Variants in ADRB1 observed in about 807,000 individuals in gnomAD.
The protein encoded by ADRB1 is beta-1 adrenergic receptor.
For synonymous variants in ADRB1, 365 were observed against 347.2 expected (o/e 1.05, Z -0.57); for missense variants, 635 against 709.1 (o/e 0.90, Z 1.19).
chr10:114,045,571 CG>C lies in ADRB1; in HGVS notation c.*7del. 1.6e-6 allele frequency: 2 copies of C among 1,283,638 alleles called. No homozygotes were observed. Among genetic ancestry groups the C allele is most frequent in the Non-Finnish European group, 2.0e-6 (2 of 1,007,772 alleles). The allele number at this position is 1,283,638 out of a possible 1,614,324, so 79.5% of individuals were successfully genotyped here. On this transcript the variant is annotated 3_prime_UTR_variant, in exon 1 of 1. Transcript: ENST00000369295. ...GCCTCGGAATCCAAGGTGTAGGGCC[CG>C]GCGCGGGGCGCGGACTCCGGGCACG...
rs1847570043 is a variant in ADRB1 at position 114,046,617 on chromosome 10, T to C, written c.*1051T>C. 6.0e-6 allele frequency: 1 copy of C among 167,012 alleles called. No homozygotes were observed. Among genetic ancestry groups the C allele is most frequent in the Non-Finnish European group, 1.5e-5 (1 of 68,100 alleles). 10.3% of individuals were successfully genotyped at this position (167,012 alleles called of 1,614,324 possible). A position where few individuals can be genotyped will look rare whatever the true frequency, so the allele number is the denominator to read the frequency against. Reference sequence around the variant, plus strand: ...CAGATCTTAAATAAAATTCAAACTCTACTTCTGTTGTCTAGTATGTTATTG... The same window carrying C: ...CAGATCTTAAATAAAATTCAAACTCCACTTCTGTTGTCTAGTATGTTATTG... On this transcript the variant is annotated 3_prime_UTR_variant, in exon 1 of 1. Coordinates refer to ENST00000369295, the MANE Select transcript of ADRB1 (RefSeq NM_000684.3).
chr10:114,044,008 C>G lies in ADRB1; in HGVS notation c.-125C>G. The G allele has an allele frequency of 9.1e-6, 7 of 767,302 alleles. No homozygotes were observed. Among genetic ancestry groups the G allele is most frequent in the African/African-American group, 1.9e-5 (1 of 54,006 alleles). The allele number at this position is 767,302 out of a possible 1,614,324, so 47.5% of individuals were successfully genotyped here. ...CCCGGCGCCCATGCCTCCGGCCCCG[C>G]GCCGCGGCTGCCCTGACCCGGCCGC... On this transcript the variant is annotated 5_prime_UTR_variant, in exon 1 of 1. Transcript: ENST00000369295. This position sits in a 1 kb window ranked among gnomAD's most constrained non-coding sequence, Gnocchi z 7.8.
chr10:114,044,931 G>C lies in ADRB1; in HGVS notation c.799G>C (p.Gly267Arg), dbSNP rs780900355. Residue 267 changes from glycine to arginine, a missense_variant, in exon 1 of 1, where the codon GGC becomes CGC. Gly to Arg is a moderately radical substitution (Grantham distance 125). Transcript: ENST00000369295. The surrounding 1 kb of genome is among the most constrained non-coding windows in gnomAD (Gnocchi z 7.8). ...CGACAGCTGCGAGCGCCGTTTCCTC[G>C]GCGGCCCAGCGCGGCCGCCCTCGCC... ...KIDSCERRFL[G>R]GPARPPSPSP... 11 of 1,565,928 alleles carry C rather than the reference G, an allele frequency of 7.0e-6. No homozygotes were observed. The highest frequency in any genetic ancestry group is 1.2e-5 in the South Asian group (1 of 85,130).
In ADRB1 at chr10:114,044,859, G is replaced by A. The variant is rs767612956; in HGVS notation, c.727G>A (p.Val243Met). The A allele has an allele frequency of 6.2e-7, 1 of 1,613,370 alleles. No homozygotes were observed. The highest frequency in any genetic ancestry group is 8.5e-7 in the Non-Finnish European group (1 of 1,179,838). The change falls in exon 1 of 1, where the codon GTG (valine) becomes ATG (methionine). Residue 243 changes from valine to methionine, a missense_variant. Physicochemically the swap from Val to Met is conservative, Grantham distance 21. Transcript: ENST00000369295. This position sits in a 1 kb window ranked among gnomAD's most constrained non-coding sequence, Gnocchi z 7.8. ...FYVPLCIMAF[V>M]YLRVFREAQK... is the part of the protein sequence containing the mutation. ...CGTGCCCCTGTGCATCATGGCCTTC[G>A]TGTACCTGCGGGTGTTCCGCGAGGC...
Position 114,044,125 on chromosome 10 carries a change from A to AGCTCGGCATGGGCGCGGGGGT in ADRB1, c.-2_19dup. The AGCTCGGCATGGGCGCGGGGGT allele has an allele frequency of 7.9e-7, 1 of 1,267,810 alleles. No individual in the cohort carries two copies. Among genetic ancestry groups the AGCTCGGCATGGGCGCGGGGGT allele is most frequent in the Non-Finnish European group, 9.9e-7 (1 of 1,012,962 alleles). 78.5% of individuals were successfully genotyped at this position (1,267,810 alleles called of 1,614,324 possible). On this transcript the variant is annotated 5_prime_UTR_variant, in exon 1 of 1. In the 5' UTR this introduces an upstream ATG that the reference lacks. Coordinates refer to ENST00000369295, the MANE Select transcript of ADRB1 (RefSeq NM_000684.3). This position sits in a 1 kb window ranked among gnomAD's most constrained non-coding sequence, Gnocchi z 7.8. ...CACACCCCCCGCCCCCGGCCTCCGC[A>AGCTCGGCATGGGCGCGGGGGT]GCTCGGCATGGGCGCGGGGGTGCTC...
In ADRB1 at chr10:114,046,181, C is replaced by T. The variant is rs1042519047; in HGVS notation, c.*615C>T. ...AAATCACGTTTCAAGAAATGTTAAG[C>T]TCTTCTTGGAACAAGCCCCACCTTG... On this transcript the variant is annotated 3_prime_UTR_variant, in exon 1 of 1. Transcript: ENST00000369295. The T allele has an allele frequency of 3.0e-5, 5 of 167,092 alleles. No individual in the cohort carries two copies. Among genetic ancestry groups the T allele is most frequent in the African/African-American group, 1.2e-4 (5 of 41,450 alleles). 10.4% of individuals were successfully genotyped at this position (167,092 alleles called of 1,614,324 possible).
At position 114,045,452 on chromosome 10, in the gene ADRB1, G is replaced by T. The variant is rs1288438544; in HGVS notation, c.1320G>T (p.Pro440=). ...ACGACGATGTCGTCGGGGCCACGCC[G>T]CCCGCGCGCCTGCTGGAGCCCTGGG... ...DDDDDVVGAT[P]PARLLEPWAG... is the part of the protein sequence containing the mutation. The change falls in exon 1 of 1, where the codon CCG becomes CCT. Residue 440 remains proline, a synonymous_variant. Transcript: ENST00000369295. 57 of 1,251,740 alleles carry T rather than the reference G, an allele frequency of 4.6e-5. No homozygotes were observed. The highest frequency in any genetic ancestry group is 3.5e-5 in the South Asian group (1 of 28,544). The allele number at this position is 1,251,740 out of a possible 1,614,324, so 77.5% of individuals were successfully genotyped here.
chr10:114,046,149 T>TA lies in ADRB1; in HGVS notation c.*592dup, dbSNP rs200145649. 125 of 166,486 alleles carry TA rather than the reference T, an allele frequency of 7.5e-4. No individual in the cohort carries two copies. Among genetic ancestry groups the TA allele is most frequent in the African/African-American group, 2.1e-3 (87 of 41,314 alleles). The allele number at this position is 166,486 out of a possible 1,614,324, so 10.3% of individuals were successfully genotyped here. A position where few individuals can be genotyped will look rare whatever the true frequency, so the allele number is the denominator to read the frequency against. ...GCAAAGAGAAAGGATGGAGGCAAAA[T>TA]AAAAAAAAATCACGTTTCAAGAAAT... On this transcript the variant is annotated 3_prime_UTR_variant, in exon 1 of 1. Coordinates refer to ENST00000369295, the MANE Select transcript of ADRB1 (RefSeq NM_000684.3).
At position 114,044,820 on chromosome 10, in the gene ADRB1, G is replaced by C; in HGVS notation, c.688G>C (p.Val230Leu). 1 of 1,613,856 alleles carries C rather than the reference G, an allele frequency of 6.2e-7. No homozygotes were observed. Among genetic ancestry groups the C allele is most frequent in the South Asian group, 1.1e-5 (1 of 91,088 alleles). ...TNRAYAIASS[V>L]VSFYVPLCIM... ...CCGGGCCTACGCCATCGCCTCGTCC[G>C]TAGTCTCCTTCTACGTGCCCCTGTG... Residue 230 changes from valine to leucine, a missense_variant, in exon 1 of 1, where the codon GTA (valine) becomes CTA (leucine). By Grantham distance (32) the Val-to-Leu change is conservative. Transcript: ENST00000369295. This position sits in a 1 kb window ranked among gnomAD's most constrained non-coding sequence, Gnocchi z 7.8.
chr10:114,044,980 C>T lies in ADRB1; in HGVS notation c.848C>T (p.Pro283Leu). 9.0e-7 allele frequency: 1 copy of T among 1,106,428 alleles called. No homozygotes were observed. The highest frequency in any genetic ancestry group is 1.1e-6 in the Non-Finnish European group (1 of 904,946). The allele number at this position is 1,106,428 out of a possible 1,614,324, so 68.5% of individuals were successfully genotyped here. A position where few individuals can be genotyped will look rare whatever the true frequency, so the allele number is the denominator to read the frequency against. The change falls in exon 1 of 1, where the codon CCC becomes CTC. Residue 283 changes from proline to leucine, a missense_variant. Physicochemically the swap from Pro to Leu is moderately conservative, Grantham distance 98 (BLOSUM62 -3). Coordinates refer to ENST00000369295, the MANE Select transcript of ADRB1 (RefSeq NM_000684.3). This position sits in a 1 kb window ranked among gnomAD's most constrained non-coding sequence, Gnocchi z 7.8. Reference protein sequence around the residue: ...PSPSPSPVPAPAPPPGPPRPA... With the variant: ...PSPSPSPVPALAPPPGPPRPA... ...CCCTCGCCCTCGCCCGTCCCCGCGC[C>T]CGCGCCGCCGCCCGGACCCCCGCGC...
At position 114,044,979 on chromosome 10, in the gene ADRB1, C is replaced by T; in HGVS notation, c.847C>T (p.Pro283Ser). 1 of 1,115,628 alleles carries T rather than the reference C, an allele frequency of 9.0e-7. No individual in the cohort carries two copies. The highest frequency in any genetic ancestry group is 1.1e-6 in the Non-Finnish European group (1 of 910,212). 69.1% of individuals were successfully genotyped at this position (1,115,628 alleles called of 1,614,324 possible). ...PSPSPSPVPAPAPPPGPPRPA... is the reference protein window; with the variant it reads ...PSPSPSPVPASAPPPGPPRPA... ...GCCCTCGCCCTCGCCCGTCCCCGCG[C>T]CCGCGCCGCCGCCCGGACCCCCGCG... The change falls in exon 1 of 1, where the codon CCC (proline) becomes TCC (serine). Residue 283 changes from proline to serine, a missense_variant. Transcript: ENST00000369295. The surrounding 1 kb of genome is among the most constrained non-coding windows in gnomAD (Gnocchi z 7.8).
Position 114,045,341 on chromosome 10 carries a change from G to T in ADRB1, c.1209G>T (p.Ala403=), listed in dbSNP as rs757655002. 2.7e-6 allele frequency: 4 copies of T among 1,490,172 alleles called. No homozygotes were observed. In the South Asian group the frequency reaches 5.1e-5, roughly 19 times the overall value. 92.3% of individuals were successfully genotyped at this position (1,490,172 alleles called of 1,614,324 possible). Residue 403 remains alanine (A), a synonymous_variant, in exon 1 of 1, where the codon GCG becomes GCT. Transcript: ENST00000369295. The part of the protein sequence containing the change: ...CARRAARRRH[A]THGDRPRASG... ...GCAGGGCTGCCCGCCGGCGCCACGCGACCCACGGAGACCGGCCGCGCGCCT... is the reference window on the plus strand; with the variant it reads ...GCAGGGCTGCCCGCCGGCGCCACGCTACCCACGGAGACCGGCCGCGCGCCT...
chr10:114,045,489 G>C lies in ADRB1; in HGVS notation c.1357G>C (p.Gly453Arg). 1.6e-6 allele frequency: 2 copies of C among 1,285,426 alleles called. No individual in the cohort carries two copies. Among genetic ancestry groups the C allele is most frequent in the Non-Finnish European group, 2.0e-6 (2 of 1,015,696 alleles). The allele number at this position is 1,285,426 out of a possible 1,614,324, so 79.6% of individuals were successfully genotyped here. Residue 453 changes from glycine to arginine, a missense_variant, in exon 1 of 1, where the codon GGC (glycine) becomes CGC (arginine). Physicochemically the swap from Gly to Arg is moderately radical, Grantham distance 125 (BLOSUM62 -2). Transcript: ENST00000369295. ...GCTGGAGCCCTGGGCCGGCTGCAAC[G>C]GCGGGGCGGCGGCGGACAGCGACTC... is the stretch of plus-strand genomic sequence containing the variant. ...RLLEPWAGCN[G>R]GAAADSDSSL...
At position 114,046,195 on chromosome 10, in the gene ADRB1, A is replaced by G. The variant is rs2119535222; in HGVS notation, c.*629A>G. On this transcript the variant is annotated 3_prime_UTR_variant, in exon 1 of 1. Transcript: ENST00000369295. The stretch of plus-strand genomic sequence containing the variant: ...GAAATGTTAAGCTCTTCTTGGAACA[A>G]GCCCCACCTTGCTTTCCTTGTGTAG... 1 of 167,276 alleles carries G rather than the reference A, an allele frequency of 6.0e-6. No individual in the cohort carries two copies. The allele number at this position is 167,276 out of a possible 1,614,324, so 10.4% of individuals were successfully genotyped here. A position where few individuals can be genotyped will look rare whatever the true frequency, so the allele number is the denominator to read the frequency against.
Position 114,044,064 on chromosome 10 carries a change from C to T in ADRB1, c.-69C>T. On this transcript the variant is annotated 5_prime_UTR_variant, in exon 1 of 1. Transcript: ENST00000369295. The surrounding 1 kb of genome is among the most constrained non-coding windows in gnomAD (Gnocchi z 7.8). Reference sequence around the variant, plus strand: ...CCCTCTGCGCACCACGCCGCCCGGGCTTCTGGGGTGTTCCCCAACCACGGC... The same window carrying T: ...CCCTCTGCGCACCACGCCGCCCGGGTTTCTGGGGTGTTCCCCAACCACGGC... 4.2e-6 allele frequency: 5 copies of T among 1,189,066 alleles called. No homozygotes were observed. The highest frequency in any genetic ancestry group is 5.2e-6 in the Non-Finnish European group (5 of 955,582). The allele number at this position is 1,189,066 out of a possible 1,614,324, so 73.7% of individuals were successfully genotyped here.
chr10:114,045,441 G>A lies in ADRB1; in HGVS notation c.1309G>A (p.Gly437Arg). Residue 437 changes from glycine to arginine, a missense_variant, in exon 1 of 1, where the codon GGG (glycine) becomes AGG (arginine). Coordinates refer to ENST00000369295, the MANE Select transcript of ADRB1 (RefSeq NM_000684.3). ...ASDDDDDDVV[G>R]ATPPARLLEP... ...GGACGACGACGACGACGATGTCGTC[G>A]GGGCCACGCCGCCCGCGCGCCTGCT... 2 of 1,244,956 alleles carry A rather than the reference G, an allele frequency of 1.6e-6. No homozygotes were observed. The highest frequency in any genetic ancestry group is 2.0e-6 in the Non-Finnish European group (2 of 993,092). 77.1% of individuals were successfully genotyped at this position (1,244,956 alleles called of 1,614,324 possible). A position where few individuals can be genotyped will look rare whatever the true frequency, so the allele number is the denominator to read the frequency against.
rs1847560237 is a variant in ADRB1 at position 114,045,950 on chromosome 10, G to A, written c.*384G>A. The stretch of plus-strand genomic sequence containing the variant: ...AAGATGGGTGGGTTAGGGGAAGGGA[G>A]AAGCATTAGGAGGGGATTAAAATCG... On this transcript the variant is annotated 3_prime_UTR_variant, in exon 1 of 1. Coordinates refer to ENST00000369295, the MANE Select transcript of ADRB1 (RefSeq NM_000684.3). 5.7e-6 allele frequency: 1 copy of A among 174,582 alleles called. No homozygotes were observed. The highest frequency in any genetic ancestry group is 1.4e-5 in the Non-Finnish European group (1 of 73,404). 10.8% of individuals were successfully genotyped at this position (174,582 alleles called of 1,614,324 possible).
Position 114,044,050 on chromosome 10 carries a change from C to A in ADRB1, c.-83C>A. 8.8e-7 allele frequency: 1 copy of A among 1,137,520 alleles called. No homozygotes were observed. Among genetic ancestry groups the A allele is most frequent in the Non-Finnish European group, 1.1e-6 (1 of 913,420 alleles). 70.5% of individuals were successfully genotyped at this position (1,137,520 alleles called of 1,614,324 possible). A position where few individuals can be genotyped will look rare whatever the true frequency, so the allele number is the denominator to read the frequency against. ...CCCGGCCGCGACCTCCCTCTGCGCA[C>A]CACGCCGCCCGGGCTTCTGGGGTGT... On this transcript the variant is annotated 5_prime_UTR_variant, in exon 1 of 1. Coordinates refer to ENST00000369295, the MANE Select transcript of ADRB1 (RefSeq NM_000684.3). The surrounding 1 kb of genome is among the most constrained non-coding windows in gnomAD (Gnocchi z 7.8).
chr10:114,045,806 T>A lies in ADRB1; in HGVS notation c.*240T>A. 3 of 130,590 alleles carry A rather than the reference T, an allele frequency of 2.3e-5. No individual in the cohort carries two copies. Among genetic ancestry groups the A allele is most frequent in the Non-Finnish European group, 4.8e-5 (3 of 62,794 alleles). The allele number at this position is 130,590 out of a possible 1,614,324, so 8.1% of individuals were successfully genotyped here. ...TTTTCTTTTCTTTCTTCTTCTTTTT[T>A]TTTTTTTTTTTTTTTTCTGTTTGTG... On this transcript the variant is annotated 3_prime_UTR_variant, in exon 1 of 1. Coordinates refer to ENST00000369295, the MANE Select transcript of ADRB1 (RefSeq NM_000684.3).
Sources: allele counts gnomAD v4.1 joint callset, GRCh38; gene constraint gnomAD v4.1.1; non-coding constraint Gnocchi (gnomAD v3.1); transcripts MANE v1.5; gene names NCBI Gene and HGNC (gene_info 2026-07-23, HGNC 2026-07-21).